GLG1: variants seen among roughly 807,000 people sequenced by gnomAD.
GLG1 encodes golgi glycoprotein 1, also known as Golgi apparatus protein 1.
Under a neutral mutation model 160.5 loss-of-function variants are expected in GLG1, and 38 were observed. That is an observed-to-expected ratio of 0.24 (90% CI 0.18 to 0.31). The LOEUF is 0.31. Among genes scored for constraint, GLG1 ranks in the 10% least tolerant of loss-of-function variants. The pLI is 1.00. For synonymous variants in GLG1, 644 were observed against 543.4 expected (o/e 1.19, Z -2.57); for missense variants, 1,373 against 1,505.2 (o/e 0.91, Z 1.45).
chr16:74,530,852 G>C (rs991230707), intron 2 of GLG1, among the ~76,000 whole-genome samples: 1 of 151,938 alleles, frequency 6.6e-6, no homozygotes, highest in African/African-American at 2.4e-5. Flanking sequence ...ATTTTTTGCT[G>C]AATTTTTATG....
chr16:74,502,246 GT>G (rs1207027630), intron 4 of GLG1, among the ~76,000 whole-genome samples: 4 of 152,144 alleles, frequency 2.6e-5, no homozygotes, highest in Non-Finnish European at 5.9e-5. Flanking sequence ...CTTTTCAGGA[GT>G]TTTTTTCATT....
chr16:74,470,277 C>CTCCT (rs1447733807), intron 15 of GLG1, among the ~76,000 whole-genome samples: 3 of 148,364 alleles, frequency 2.0e-5, no homozygotes, highest in Non-Finnish European at 3.0e-5. Context: ...CCCTCCCTCC[C>CTCCT]TCCTTCCTTC....
intron 2 of GLG1, among the ~76,000 whole-genome samples, chr16:74,518,735 G>C (rs1770596988): frequency 6.6e-6 from 1 of 152,174 alleles, no homozygotes. Flanking sequence ...CACAGCAAAA[G>C]AAACTATCAT....
chr16:74,584,269 G>C (rs902627814), intron 1 of GLG1, among the ~76,000 whole-genome samples: 1 of 152,156 alleles, frequency 6.6e-6, no homozygotes, highest in Non-Finnish European at 1.5e-5. Flanking sequence ...CTTCCCACTA[G>C]CCATGCACGG....
At chr16:74,597,886 T>G (rs886171010) in intron 1 of GLG1, among the ~76,000 whole-genome samples, 3 of 141,612 alleles carry the variant, frequency 2.1e-5, no homozygotes, top group Admixed American at 1.4e-4. Context: ...CATGGTGGTG[T>G]GTACCTGTAG....
chr16:74,537,362 C>T (rs1217375876), intron 1 of GLG1, among the ~76,000 whole-genome samples: 1 of 151,994 alleles, frequency 6.6e-6, no homozygotes. Flanking sequence ...GGTTAAAAAA[C>T]AAAACAAAAA....
chr16:74,542,716 G>GGGAGGGAGGGAGGAAGGAA (rs1567513828), intron 1 of GLG1, among the ~76,000 whole-genome samples: 1 of 29,784 alleles, frequency 3.4e-5, no homozygotes, highest in African/African-American at 1.3e-4. Flanking sequence ...AAGGGAAGAA[G>GGGAGGGAGGGAGGAAGGAA]GGAAGGAAGG....
At chr16:74,543,271 C>A (rs1318835519) in intron 1 of GLG1, among the ~76,000 whole-genome samples, 17 of 152,194 alleles carry the variant, frequency 1.1e-4, no homozygotes, top group Admixed American at 1.0e-3. Flanking sequence ...AAGAAAGAGA[C>A]CAGGGCTAAA....
chr16:74,500,010 A>C (rs781735514), intron 4 of GLG1, among the ~76,000 whole-genome samples: 13 of 152,134 alleles, frequency 8.5e-5, no homozygotes, highest in East Asian at 3.8e-4. Flanking sequence ...CTCAACAACA[A>C]CACCAAAATA....
chr16:74,471,066 T>A (rs2015191472), intron 15 of GLG1, 107 bp downstream of exon 15: 2 of 734,734 alleles, frequency 2.7e-6, no homozygotes, highest in Admixed American at 4.0e-5. Context: ...TGGAAAAAAA[T>A]GACTTTTAAC....
At chr16:74,512,905 G>A (rs2016860311) in intron 2 of GLG1, among the ~76,000 whole-genome samples, 1 of 152,144 alleles carries the variant, frequency 6.6e-6, no homozygotes, top group South Asian at 2.1e-4. Flanking sequence ...GTCATCCTGG[G>A]CTTGATCCTC....
chr16:74,566,083 T>G (rs960110983), intron 1 of GLG1, among the ~76,000 whole-genome samples: 1 of 152,178 alleles, frequency 6.6e-6, no homozygotes, highest in Non-Finnish European at 1.5e-5. Flanking sequence ...ATAGGTAAAG[T>G]GCCATTCTCA....
chr16:74,456,233 G>A (rs1343704869), intron 25 of GLG1, among the ~76,000 whole-genome samples: 1 of 152,200 alleles, frequency 6.6e-6, no homozygotes, highest in African/African-American at 2.4e-5. Context: ...AATGAGAAAG[G>A]AGGGCCCTGG....
intron 25 of GLG1, among the ~76,000 whole-genome samples, chr16:74,454,700 A>T (rs1009431119): frequency 0.013 from 961 of 75,640 alleles, 13 homozygotes; most frequent in African/African-American, 0.029. Context: ...AAAAAAAAAA[A>T]TTTTTTTTTT....
At chr16:74,510,088 A>G (rs375107845) in intron 2 of GLG1, among the ~76,000 whole-genome samples, 1 of 149,896 alleles carries the variant, frequency 6.7e-6, no homozygotes, top group African/African-American at 2.5e-5. Flanking sequence ...CTGCAGTGCA[A>G]TGGCGCGATC....
chr16:74,581,965 T>C (rs1403830038), intron 1 of GLG1, among the ~76,000 whole-genome samples: 1 of 152,126 alleles, frequency 6.6e-6, no homozygotes. Flanking sequence ...TCATGTTCTG[T>C]GACACCACAT....
At chr16:74,530,137 T>A (rs1230469055) in intron 2 of GLG1, among the ~76,000 whole-genome samples, 2 of 152,054 alleles carry the variant, frequency 1.3e-5, no homozygotes, top group Non-Finnish European at 2.9e-5. Context: ...CACATCAACT[T>A]TTTTCTGGGT....
chr16:74,541,839 T>C (rs1597327587), intron 1 of GLG1, among the ~76,000 whole-genome samples: 1 of 152,158 alleles, frequency 6.6e-6, no homozygotes, highest in Non-Finnish European at 1.5e-5. Context: ...TTTTACTACA[T>C]ACTCTTTGCA....
chr16:74,503,248 A>G (rs540556815), intron 4 of GLG1, among the ~76,000 whole-genome samples: 1 of 152,170 alleles, frequency 6.6e-6, no homozygotes, highest in South Asian at 2.1e-4. Flanking sequence ...CCTTTGCCAG[A>G]GGCACATTAC....
Sources: gnomAD v4.1 joint callset for allele counts (sites outside exome capture counted in the v4.1 genomes callset) on GRCh38, gnomAD v4.1.1 for gene constraint, MANE v1.5 for transcripts, NCBI Gene and HGNC (gene_info 2026-07-23, HGNC 2026-07-21) for gene names.